The following PRKCH variants were observed in gnomAD, a reference collection of about 807,000 sequenced individuals.
PRKCH encodes protein kinase C eta type.
Under a neutral mutation model 82.5 loss-of-function variants are expected in PRKCH, and 28 were observed. That is an observed-to-expected ratio of 0.34 (90% CI 0.25 to 0.47). The LOEUF (loss-of-function observed/expected upper bound fraction) is 0.47, where lower values mean the gene tolerates loss of function less well. Among genes scored for constraint, PRKCH ranks in the 20% least tolerant of loss-of-function variants. PRKCH has a pLI of 1.00. For synonymous variants in PRKCH, 322 were observed against 327.4 expected (o/e 0.98, Z 0.18); for missense variants, 705 against 881.8 (o/e 0.80, Z 2.54).
chr14:61,550,064 C>T lies in PRKCH; in HGVS notation c.*233C>T, dbSNP rs186747183. 1.5e-4 allele frequency: 68 copies of T among 458,092 alleles called. No individual in the cohort carries two copies. Among genetic ancestry groups the T allele is most frequent in the Non-Finnish European group, 2.0e-4 (52 of 258,700 alleles). 28.4% of individuals were successfully genotyped at this position (458,092 alleles called of 1,614,324 possible). A position where few individuals can be genotyped will look rare whatever the true frequency, so the allele number is the denominator to read the frequency against. On this transcript the variant is annotated 3_prime_UTR_variant, in exon 14 of 14. Transcript: ENST00000332981. The stretch of plus-strand genomic sequence containing the variant: ...TGAAATGAGATTTTATGAAGTATAC[C>T]GCTCCACCTATGAGCGTCTGTCTCT...
At chr14:61,228,283 T>C (rs2044713536) in intron 1 of PRKCH, among the ~76,000 whole-genome samples, 1 of 152,220 alleles carries the variant, frequency 6.6e-6, no homozygotes, top group African/African-American at 2.4e-5. Flanking sequence ...AGTTGAAGTG[T>C]AGAAGACAGA....
chr14:61,266,677 G>A (rs183043301), intron 1 of PRKCH, among the ~76,000 whole-genome samples: 1 of 152,258 alleles, frequency 6.6e-6, no homozygotes, highest in East Asian at 1.9e-4. Context: ...GACCAGGAGA[G>A]GAATTGTCTC....
chr14:61,532,181 T>A (rs1566931820), intron 12 of PRKCH, among the ~76,000 whole-genome samples: 1 of 152,192 alleles, frequency 6.6e-6, no homozygotes, highest in East Asian at 1.9e-4. Flanking sequence ...TGTAGCTGAT[T>A]TAGTAGTTTT....
At chr14:61,201,328 G>A (rs1179701846) in intron 1 of PRKCH, among the ~76,000 whole-genome samples, 1 of 152,062 alleles carries the variant, frequency 6.6e-6, no homozygotes, top group Non-Finnish European at 1.5e-5. Context: ...TAGAGAGATT[G>A]AGTAACTCTA....
At chr14:61,441,145 A>C (rs552947442) in intron 2 of PRKCH, among the ~76,000 whole-genome samples, 1 of 152,054 alleles carries the variant, frequency 6.6e-6, no homozygotes, top group South Asian at 2.1e-4. Flanking sequence ...GTGATCTCCC[A>C]CCTCAGCCTC....
intron 1 of PRKCH, among the ~76,000 whole-genome samples, chr14:61,207,785 T>G (rs562145840): frequency 6.6e-6 from 1 of 152,348 alleles, no homozygotes; most frequent in South Asian, 2.1e-4. Context: ...TGAAGCTATT[T>G]GCTCCAGGTC....
At chr14:61,266,773 A>G (rs2045105600) in intron 1 of PRKCH, among the ~76,000 whole-genome samples, 1 of 152,228 alleles carries the variant, frequency 6.6e-6, no homozygotes, top group African/African-American at 2.4e-5. Context: ...TTTTATGCTA[A>G]TAGAGGCCCT....
chr14:61,217,122 G>T (rs2044621646), intron 1 of PRKCH, among the ~76,000 whole-genome samples: 1 of 152,196 alleles, frequency 6.6e-6, no homozygotes, highest in African/African-American at 2.4e-5. Context: ...GGGCGTGGTG[G>T]CTCACATCTG....
At chr14:61,188,704 A>G (rs866092528) in intron 1 of PRKCH, among the ~76,000 whole-genome samples, 5 of 87,858 alleles carry the variant, frequency 5.7e-5, no homozygotes, top group Admixed American at 2.6e-4. Context: ...ACGTTGCTGT[A>G]GTGTGTGTGT....
intron 1 of PRKCH, among the ~76,000 whole-genome samples, chr14:61,338,161 T>C (rs1237734394): frequency 6.6e-6 from 1 of 152,208 alleles, no homozygotes; most frequent in Non-Finnish European, 1.5e-5. Flanking sequence ...TACTGCCATC[T>C]GCATGAACAT....
intron 1 of PRKCH, among the ~76,000 whole-genome samples, chr14:61,213,808 T>C (rs1440474379): frequency 2.6e-5 from 4 of 152,184 alleles, no homozygotes; most frequent in African/African-American, 9.7e-5. Context: ...CATGTAACCA[T>C]CATTGTTGGA....
intron 12 of PRKCH, among the ~76,000 whole-genome samples, chr14:61,547,453 G>T (rs2043272340): frequency 6.6e-6 from 1 of 152,144 alleles, no homozygotes; most frequent in South Asian, 2.1e-4. Context: ...TCTTTAAAGA[G>T]GAAAGAAAAA....
intron 1 of PRKCH, among the ~76,000 whole-genome samples, chr14:61,221,382 C>A (rs558211216): frequency 6.6e-6 from 1 of 151,970 alleles, no homozygotes. Flanking sequence ...ATCTATTAGC[C>A]CTGCTTTTTC....
chr14:61,450,362 A>G (rs1003101894), intron 5 of PRKCH, among the ~76,000 whole-genome samples: 2 of 152,198 alleles, frequency 1.3e-5, no homozygotes, highest in African/African-American at 4.8e-5. Context: ...CTTTAATGTC[A>G]CTTTGGAATA....
chr14:61,318,730 A>C (rs560799813), upstream of PRKCH, among the ~76,000 whole-genome samples: 1 of 152,130 alleles, frequency 6.6e-6, no homozygotes, highest in Non-Finnish European at 1.5e-5. Context: ...GGACTTTGGC[A>C]ACAGCTTCAT....
chr14:61,329,051 G>GCTCC (rs1222780200), intron 1 of PRKCH, among the ~76,000 whole-genome samples: 2 of 150,804 alleles, frequency 1.3e-5, no homozygotes, highest in African/African-American at 4.9e-5. Flanking sequence ...TGACTTCTTA[G>GCTCC]CTCCACTTTA....
chr14:61,390,434 G>A (rs1017405834), intron 1 of PRKCH, among the ~76,000 whole-genome samples: 8 of 152,258 alleles, frequency 5.3e-5, no homozygotes, highest in South Asian at 2.1e-4. Flanking sequence ...ACTTTGGGAG[G>A]CTGAGGCGGG....
chr14:61,331,819 T>C (rs548029008), intron 1 of PRKCH, among the ~76,000 whole-genome samples: 1 of 152,240 alleles, frequency 6.6e-6, no homozygotes, highest in African/African-American at 2.4e-5. Context: ...AAATGAATTA[T>C]GTGTTATCAA....
chr14:61,225,452 C>T (rs1468570680), intron 1 of PRKCH, among the ~76,000 whole-genome samples: 1 of 152,196 alleles, frequency 6.6e-6, no homozygotes, highest in East Asian at 1.9e-4. Context: ...TGGACCCAAG[C>T]AGGCAGCTCC....
Sources: gnomAD v4.1 joint callset for allele counts (sites outside exome capture counted in the v4.1 genomes callset) on GRCh38, gnomAD v4.1.1 for gene constraint, MANE v1.5 for transcripts, NCBI Gene and HGNC (gene_info 2026-07-23, HGNC 2026-07-21) for gene names.